ZNF14: variants seen among roughly 807,000 people sequenced by gnomAD.
ZNF14 encodes the protein zinc finger protein 14.
ZNF14 carries 9 observed loss-of-function variants against 11.3 expected under a neutral mutation model. The ratio of observed to expected loss-of-function variants is 0.80; its 90% CI spans 0.48 to 1.39. The LOEUF (loss-of-function observed/expected upper bound fraction) is 1.39, where lower values mean the gene tolerates loss of function less well. Ranked by LOEUF, ZNF14 falls within the 40% of genes most tolerant of loss-of-function variation. The pLI, the probability that ZNF14 is intolerant of heterozygous loss-of-function variation, is 0.00. For synonymous variants in ZNF14, 239 were observed against 245.7 expected, an observed-to-expected ratio of 0.97 and a Z score of 0.25; for missense variants, 711 against 763.9, an observed-to-expected ratio of 0.93 and a Z score of 0.82.
chr19:19,727,018 G>A (rs2062408277), intron 1 of ZNF14, among the ~76,000 whole-genome samples: 1 of 133,816 alleles, frequency 7.5e-6, no homozygotes, highest in African/African-American at 2.8e-5. Flanking sequence ...GGAATTCCCC[G>A]ACCCCTTGCA....
intron 1 of ZNF14, among the ~76,000 whole-genome samples, chr19:19,717,739 G>A (rs182169848): frequency 8.9e-4 from 135 of 152,192 alleles, no homozygotes; most frequent in African/African-American, 2.9e-3. Context: ...ATCACAGCTC[G>A]GGCACAGGCT....
intron 1 of ZNF14, among the ~76,000 whole-genome samples, chr19:19,724,705 T>C (rs1349317855): frequency 1.8e-4 from 24 of 130,920 alleles, no homozygotes; most frequent in African/African-American, 3.7e-4. Flanking sequence ...ATTATTATTG[T>C]GTGGGAGTCT....
rs1269246038 is a variant in ZNF14 at position 19,712,835 on chromosome 19, G to C, written c.446C>G (p.Thr149Ser). 6.2e-7 allele frequency: 1 copy of C among 1,614,100 alleles called. No individual in the cohort carries two copies. Among genetic ancestry groups the C allele is most frequent in the East Asian group, 2.2e-5 (1 of 44,870 alleles). ...GCGAAAGCAGTGGTGATAACTGAAG[G>C]TTTTCCCAACTGCTTTACATTTACA... ...QPCKCKAVGK[T>S]FSYHHCFRKH... The change falls in exon 4 of 4, where the codon ACC becomes AGC. Residue 149 changes from threonine (T) to serine (S), a missense_variant. Thr to Ser is a moderately conservative substitution (Grantham distance 58). Coordinates refer to ENST00000344099, the MANE Select transcript of ZNF14 (RefSeq NM_021030.3).
chr19:19,711,693 G>T lies in ZNF14; in HGVS notation c.1588C>A (p.Pro530Thr). The T allele has an allele frequency of 6.2e-7, 1 of 1,613,964 alleles. No individual in the cohort carries two copies. Among genetic ancestry groups the T allele is most frequent in the Non-Finnish European group, 8.5e-7 (1 of 1,179,998 alleles). Reference sequence around the variant, plus strand: ...TTACCACATTGCTTACACTCAAAAGGCTTATTTCCAGTGTGAATTTTTTCA... The same window carrying T: ...TTACCACATTGCTTACACTCAAAAGTCTTATTTCCAGTGTGAATTTTTTCA... ...EHEKIHTGNK[P>T]FECKQCGKAF... The change falls in exon 4 of 4, where the codon CCT (proline) becomes ACT (threonine). Residue 530 changes from proline (P) to threonine (T), a missense_variant. Pro to Thr is a conservative substitution (Grantham distance 38, BLOSUM62 -1). Coordinates refer to ENST00000344099, the MANE Select transcript of ZNF14 (RefSeq NM_021030.3).
chr19:19,719,799 T>C (rs988230959), intron 1 of ZNF14, among the ~76,000 whole-genome samples: 6 of 152,228 alleles, frequency 3.9e-5, no homozygotes, highest in African/African-American at 1.4e-4. Context: ...GGTGGACAGA[T>C]ACTGTCAATA....
Position 19,713,066 on chromosome 19 carries a change from C to A in ZNF14, c.215G>T (p.Cys72Phe). The change falls in exon 4 of 4, where the codon TGT (cysteine) becomes TTT (phenylalanine). Residue 72 changes from cysteine (C) to phenylalanine (F), a missense_variant. Transcript: ENST00000344099. ...NRRCHMVERL[C>F]ESRRGSKCGE... Reference sequence around the variant, plus strand: ...ACATTTGCTACCTCTTCTACTTTCACAGAGTCTCTCAACCATATGACATCT... The same window carrying A: ...ACATTTGCTACCTCTTCTACTTTCAAAGAGTCTCTCAACCATATGACATCT... 2 of 1,604,926 alleles carry A rather than the reference C, an allele frequency of 1.2e-6. No individual in the cohort carries two copies. Among genetic ancestry groups the A allele is most frequent in the Non-Finnish European group, 1.7e-6 (2 of 1,175,260 alleles).
At chr19:19,721,419 G>A (rs1311126198) in intron 1 of ZNF14, among the ~76,000 whole-genome samples, 1 of 152,062 alleles carries the variant, frequency 6.6e-6, no homozygotes, top group Non-Finnish European at 1.5e-5. Context: ...ATTGACTACA[G>A]GTAAAAGAGG....
intron 1 of ZNF14, among the ~76,000 whole-genome samples, chr19:19,732,220 T>G (rs2062426178): frequency 6.6e-6 from 1 of 152,038 alleles, no homozygotes; most frequent in African/African-American, 2.4e-5. Flanking sequence ...CTGAACAAGC[T>G]CACAATTAAT....
intron 1 of ZNF14, among the ~76,000 whole-genome samples, chr19:19,714,715 T>TTTTC (rs1555761430): frequency 6.9e-6 from 1 of 145,066 alleles, no homozygotes; most frequent in Non-Finnish European, 1.5e-5. Flanking sequence ...TTCTTTTTCT[T>TTTTC]TTTTTTTTTT....
At chr19:19,731,665 AC>A (rs1264361830) in intron 1 of ZNF14, among the ~76,000 whole-genome samples, 1 of 152,220 alleles carries the variant, frequency 6.6e-6, no homozygotes. Flanking sequence ...AGAAAAACAC[AC>A]TGACCTATTA....
intron 1 of ZNF14, among the ~76,000 whole-genome samples, chr19:19,731,596 CA>C (rs2062423555): frequency 6.6e-6 from 1 of 151,696 alleles, no homozygotes; most frequent in Non-Finnish European, 1.5e-5. Flanking sequence ...AAAAAAACAA[CA>C]ACAAAACTAC....
chr19:19,714,217 G>A (rs1175575733), intron 2 of ZNF14, 66 bp from the exon 3 acceptor site: 3 of 1,589,618 alleles, frequency 1.9e-6, no homozygotes, highest in East Asian at 4.5e-5. Context: ...TTACAGTCTA[G>A]TTTCATGATT....
At chr19:19,713,747 C>A (rs78819668) in intron 3 of ZNF14, among the ~76,000 whole-genome samples, 1 of 100,556 alleles carries the variant, frequency 9.9e-6, no homozygotes, top group Non-Finnish European at 2.2e-5. Flanking sequence ...CTGTGCCAGG[C>A]CTTTTTTTTT....
rs151040941 is a variant in ZNF14 at position 19,714,476 on chromosome 19, G to A, written c.15C>T (p.Ser5=). 255 of 1,613,292 alleles carry A rather than the reference G, an allele frequency of 1.6e-4. No individual in the cohort carries two copies. The highest frequency in any genetic ancestry group is 2.0e-4 in the Non-Finnish European group (235 of 1,179,872). Residue 5 remains serine, a synonymous_variant, in exon 2 of 4, where the codon TCC becomes TCT. Coordinates refer to ENST00000344099, the MANE Select transcript of ZNF14 (RefSeq NM_021030.3). MDSV[S]FEDVAVNFTL... ...TGAAGTTCACGGCCACATCCTCAAA[G>A]GAGACTGAGTCCTGAAACATTCCAC...
chr19:19,712,662 T>C lies in ZNF14; in HGVS notation c.619A>G (p.Ile207Val). 1.2e-6 allele frequency: 2 copies of C among 1,614,048 alleles called. No homozygotes were observed. Among genetic ancestry groups the C allele is most frequent in the Non-Finnish European group, 1.7e-6 (2 of 1,179,990 alleles). The change falls in exon 4 of 4, where the codon ATA becomes GTA. Residue 207 changes from isoleucine to valine, a missense_variant. Physicochemically the swap from Ile to Val is conservative, Grantham distance 29. Transcript: ENST00000344099. ...TGTTTTTGAAAAGACTGGTAATATA[T>C]AAAGGTTTTTCCACATTGCTTACAT... ...YECKQCGKTFIYYQSFQKHAH... is the reference protein window; with the variant it reads ...YECKQCGKTFVYYQSFQKHAH...
rs1263582759 is a variant in ZNF14, at chr19:19,712,574, T to G, written c.707A>C (p.Gln236Pro). 2 of 1,612,824 alleles carry G rather than the reference T, an allele frequency of 1.2e-6. No individual in the cohort carries two copies. The highest frequency in any genetic ancestry group is 1.7e-6 in the Non-Finnish European group (2 of 1,179,702). Residue 236 changes from glutamine to proline, a missense_variant, in exon 4 of 4, where the codon CAA (glutamine) becomes CCA (proline). Coordinates refer to ENST00000344099, the MANE Select transcript of ZNF14 (RefSeq NM_021030.3). ...AGTCCTTTTGTGTCTTTGAAAAGAT[T>G]GGTAACATATAAAGGCTTTCCCACA... is the stretch of plus-strand genomic sequence containing the variant. The part of the protein sequence containing the change: ...KQCGKAFICY[Q>P]SFQRHKRTHT...
Position 19,711,357 on chromosome 19 carries a change from C to A in ZNF14, c.1924G>T (p.Val642Phe). Residue 642 changes from valine (V) to phenylalanine (F), a missense_variant, in exon 4 of 4, where the codon GTC becomes TTC. Transcript: ENST00000344099. ...TCAGAATGTTGCTTATATTCTTAGA[C>A]TTTCTCTCCCATATGAGTCCTTTCA... ...LHERTHMGEK[V>F] is the part of the protein sequence containing the mutation. 1 of 1,543,186 alleles carries A rather than the reference C, an allele frequency of 6.5e-7. No individual in the cohort carries two copies. Among genetic ancestry groups the A allele is most frequent in the Non-Finnish European group, 8.7e-7 (1 of 1,150,684 alleles).
At chr19:19,722,492 G>C (rs1417602063) in intron 1 of ZNF14, among the ~76,000 whole-genome samples, 1 of 152,178 alleles carries the variant, frequency 6.6e-6, no homozygotes, top group Admixed American at 6.5e-5. Context: ...AGTATAGTTT[G>C]AAGTCAGGTA....
At chr19:19,722,467 T>C (rs2062395663) in intron 1 of ZNF14, among the ~76,000 whole-genome samples, 1 of 152,246 alleles carries the variant, frequency 6.6e-6, no homozygotes, top group African/African-American at 2.4e-5. Flanking sequence ...GCTGTTTTGG[T>C]TGCTGTAGCC....
Sources: gnomAD v4.1 joint callset for allele counts (sites outside exome capture counted in the v4.1 genomes callset) on GRCh38, gnomAD v4.1.1 for gene constraint, MANE v1.5 for transcripts, NCBI Gene and HGNC (gene_info 2026-07-23, HGNC 2026-07-21) for gene names.